The following MRC2 variants were observed in gnomAD, a reference collection of about 807,000 sequenced individuals.
The protein encoded by MRC2 is C-type mannose receptor 2.
In MRC2, 84 loss-of-function variants were observed where a neutral mutation model predicts 206.2. The ratio of observed to expected loss-of-function variants is 0.41; its 90% CI spans 0.34 to 0.49. The LOEUF (loss-of-function observed/expected upper bound fraction) is 0.49. MRC2 is among the 20% of genes least tolerant of loss of function. The probability of loss-of-function intolerance (pLI) is 0.31; values close to 1 mark genes in which losing one functional copy is unlikely to be tolerated. For missense variants in MRC2, 1,676 were observed against 2,001.5 expected (o/e 0.84, Z 3.10); for synonymous variants, 798 against 800.0 (o/e 1.00, Z 0.04).
At chr17:62,683,492 A>C (rs888076819) in intron 20 of MRC2, among the ~76,000 whole-genome samples, 25 of 149,930 alleles carry the variant, frequency 1.7e-4, no homozygotes, top group East Asian at 9.7e-4. Context: ...AAGAAAAAAA[A>C]AACAACAAAA....
Position 62,677,790 on chromosome 17 carries a change from A to G in MRC2, c.2052+304A>G, listed in dbSNP as rs534106591. On this transcript the variant is annotated intron_variant, in intron 12 of 29. Coordinates refer to ENST00000303375, the MANE Select transcript of MRC2 (RefSeq NM_006039.5). Reference sequence around the variant, plus strand: ...ATCTTGGCCGGGCGCAGTGGCTCACACCTGTAATCCCAGCACTTTGGGAGG... The same window carrying G: ...ATCTTGGCCGGGCGCAGTGGCTCACGCCTGTAATCCCAGCACTTTGGGAGG... 7.2e-5 allele frequency among the ~76,000 whole-genome samples: 11 copies of G among 152,222 alleles called. No homozygotes were observed. In the South Asian group the frequency reaches 1.4e-3, roughly 20 times the overall value.
At position 62,666,254 on chromosome 17, in the gene MRC2, C is replaced by A; in HGVS notation, c.681C>A (p.Phe227Leu). Residue 227 changes from phenylalanine (F) to leucine (L), a missense_variant, in exon 3 of 30, where the codon TTC (phenylalanine) becomes TTA (leucine). Phe to Leu is a conservative substitution (Grantham distance 22). Around this residue, in one of 3 missense-constraint regions of MRC2, gnomAD observed 318 missense variants for 346.7 expected, o/e 0.92. Coordinates refer to ENST00000303375, the MANE Select transcript of MRC2 (RefSeq NM_006039.5). The surrounding 1 kb of genome is among the most constrained non-coding windows in gnomAD (Gnocchi z 5.0). ...ACGGCAAAGACGAGCGCTGGGGCTT[C>A]TGCCCCATCAAGAGTGAGAGCTGTT... Reference protein sequence around the residue: ...QDYGKDERWGFCPIKSNDCET... With the variant: ...QDYGKDERWGLCPIKSNDCET... 6.3e-7 allele frequency: 1 copy of A among 1,582,012 alleles called. No individual in the cohort carries two copies. Among genetic ancestry groups the A allele is most frequent in the Non-Finnish European group, 8.6e-7 (1 of 1,165,642 alleles).
intron 1 of MRC2, among the ~76,000 whole-genome samples, chr17:62,641,190 T>A (rs2088398115): frequency 6.6e-6 from 1 of 150,796 alleles, no homozygotes; most frequent in Admixed American, 6.6e-5. Flanking sequence ...CTGGGTGCGA[T>A]GGCTCATGCC....
At chr17:62,669,702 G>A (rs1225536870) in intron 6 of MRC2, among the ~76,000 whole-genome samples, 4 of 151,764 alleles carry the variant, frequency 2.6e-5, no homozygotes, top group East Asian at 1.9e-4. Context: ...ATAGGCATGA[G>A]TGTGCCACCA....
chr17:62,643,348 G>T (rs796964441), intron 1 of MRC2, among the ~76,000 whole-genome samples: 3 of 132,252 alleles, frequency 2.3e-5, no homozygotes, highest in Non-Finnish European at 3.2e-5. Context: ...AAAAAAAAAA[G>T]AAAAAGAAAA....
At chr17:62,628,339 C>G (rs1347633084) in intron 1 of MRC2, among the ~76,000 whole-genome samples, 2 of 152,186 alleles carry the variant, frequency 1.3e-5, no homozygotes, top group Admixed American at 6.5e-5. Flanking sequence ...AGTCTCCTCG[C>G]TCTGCCCCAG....
intron 1 of MRC2, among the ~76,000 whole-genome samples, chr17:62,636,366 C>T (rs1348106241): frequency 1.3e-5 from 2 of 151,838 alleles, no homozygotes; most frequent in African/African-American, 4.8e-5. Flanking sequence ...CACACTAGCA[C>T]AGGCCACAGT....
chr17:62,680,467 A>C lies in MRC2; in HGVS notation c.2473+14A>C, dbSNP rs563880192. ...ACAGCCCTCAAGGTGAGCACCCCCC[A>C]GCCCATCCCGCTACCCATCGCGTGG... On this transcript the variant is annotated intron_variant, in intron 16 of 29. Transcript: ENST00000303375. The surrounding 1 kb of genome is among the most constrained non-coding windows in gnomAD (Gnocchi z 4.8). 2 of 1,613,574 alleles carry C rather than the reference A, an allele frequency of 1.2e-6. No individual in the cohort carries two copies. The highest frequency in any genetic ancestry group is 1.7e-6 in the Non-Finnish European group (2 of 1,179,822).
rs2088721076 is a variant in MRC2, at chr17:62,664,461, A to G, written c.119-87A>G. On this transcript the variant is annotated intron_variant, in intron 1 of 29. Transcript: ENST00000303375. The surrounding 1 kb of genome is among the most constrained non-coding windows in gnomAD (Gnocchi z 4.7). ...CGGCTCACCATCCTGCACTGGGCAC[A>G]TGGTAGGTGCCTGTCAGCCACACCG... is the stretch of plus-strand genomic sequence containing the variant. 2 of 1,407,894 alleles carry G rather than the reference A, an allele frequency of 1.4e-6. No homozygotes were observed. The highest frequency in any genetic ancestry group is 9.7e-7 in the Non-Finnish European group (1 of 1,031,864). 87.2% of individuals were successfully genotyped at this position (1,407,894 alleles called of 1,614,324 possible).
Position 62,680,953 on chromosome 17 carries a change from T to C in MRC2, c.2627T>C (p.Leu876Ser). 6.2e-7 allele frequency: 1 copy of C among 1,612,890 alleles called. No homozygotes were observed. The highest frequency in any genetic ancestry group is 8.5e-7 in the Non-Finnish European group (1 of 1,179,746). Residue 876 changes from leucine (L) to serine (S), a missense_variant, in exon 17 of 30, where the codon TTG becomes TCG. Physicochemically the swap from Leu to Ser is moderately radical, Grantham distance 145. Around this residue, in one of 3 missense-constraint regions of MRC2, gnomAD observed 1,354 missense variants for 1,636.6 expected, o/e 0.83. Transcript: ENST00000303375. This position sits in a 1 kb window ranked among gnomAD's most constrained non-coding sequence, Gnocchi z 4.8. The part of the protein sequence containing the change: ...QAELDFLSHN[L>S]QKFSRAQEQH... ...GAGCTAGACTTCCTGAGCCACAACT[T>C]GCAGAAGGTGGGCATTGGATTGAGC...
intron 1 of MRC2, among the ~76,000 whole-genome samples, chr17:62,662,121 G>A (rs59699571): frequency 0.019 from 2,853 of 152,024 alleles, 199 homozygotes; most frequent in East Asian, 0.14. Flanking sequence ...ATGGTGGCAT[G>A]TGCCTGTAGT....
chr17:62,629,874 G>A (rs1211303596), intron 1 of MRC2, among the ~76,000 whole-genome samples: 1 of 152,244 alleles, frequency 6.6e-6, no homozygotes, highest in Non-Finnish European at 1.5e-5. Context: ...TGCCAGGCAG[G>A]GCAGGGGCTG....
chr17:62,682,278 C>G lies in MRC2; in HGVS notation c.2847C>G (p.Ile949Met), dbSNP rs1453381862. The G allele has an allele frequency of 1.2e-6, 2 of 1,604,016 alleles. No homozygotes were observed. Among genetic ancestry groups the G allele is most frequent in the Non-Finnish European group, 1.7e-6 (2 of 1,175,034 alleles). Residue 949 changes from isoleucine (I) to methionine (M), a missense_variant, in exon 20 of 30, where the codon ATC becomes ATG. Physicochemically the swap from Ile to Met is conservative, Grantham distance 10 (BLOSUM62 1). This residue lies in a region of MRC2 where 1,354 missense variants were observed against 1,636.6 expected (regional missense o/e 0.83). Coordinates refer to ENST00000303375, the MANE Select transcript of MRC2 (RefSeq NM_006039.5). ...GGTGCCTGACAGCCTTGCCCTACAT[C>G]TGCAAGCGCAGCAACGTCACCAAAG... ...DQRCLTALPY[I>M]CKRSNVTKET...
chr17:62,689,433 G>A, intron 23 of MRC2, 89 bp from the exon 24 acceptor site: 1 of 869,152 alleles, frequency 1.2e-6, no homozygotes, highest in Non-Finnish European at 1.8e-6. Flanking sequence ...CCGGGTCTTT[G>A]CCTGGTGTGC....
At chr17:62,649,397 C>T (rs775089242) in intron 1 of MRC2, among the ~76,000 whole-genome samples, 2 of 152,204 alleles carry the variant, frequency 1.3e-5, no homozygotes, top group African/African-American at 4.8e-5. Flanking sequence ...TCAAGACCAA[C>T]CTGGCCAACA....
At position 62,680,785 on chromosome 17, in the gene MRC2, G is replaced by A. The variant is rs1240688657; in HGVS notation, c.2474-15G>A. ...CTGCCTGGCCGCCGCTCCCACGCCCGCGCTGCTCCTGCAGGCCGACGGGAA... is the reference window on the plus strand; with the variant it reads ...CTGCCTGGCCGCCGCTCCCACGCCCACGCTGCTCCTGCAGGCCGACGGGAA... On this transcript the variant is annotated splice_polypyrimidine_tract_variant and intron_variant, in intron 16 of 29. Coordinates refer to ENST00000303375, the MANE Select transcript of MRC2 (RefSeq NM_006039.5). This position sits in a 1 kb window ranked among gnomAD's most constrained non-coding sequence, Gnocchi z 4.8. The A allele has an allele frequency of 1.9e-6, 3 of 1,594,110 alleles. No homozygotes were observed. The highest frequency in any genetic ancestry group is 1.3e-5 in the African/African-American group (1 of 74,550).
Position 62,652,626 on chromosome 17 carries a change from C to T in MRC2, c.119-11922C>T, listed in dbSNP as rs1159360923. Among the ~76,000 whole-genome samples the T allele has an allele frequency of 4.6e-5, 7 of 152,146 alleles. No homozygotes were observed. Among genetic ancestry groups the T allele is most frequent in the Non-Finnish European group, 1.0e-4 (7 of 68,024 alleles). On this transcript the variant is annotated intron_variant, in intron 1 of 29. Transcript: ENST00000303375. This position sits in a 1 kb window ranked among gnomAD's most constrained non-coding sequence, Gnocchi z 4.6. ...GGCTAGCAGACGGCGCCAGGGGCAG[C>T]GGCCACGCAGACCGGGCATTTGTCT...
rs116711155 is a variant in MRC2 at position 62,658,341 on chromosome 17, C to T, written c.119-6207C>T. Among the ~76,000 whole-genome samples the T allele has an allele frequency of 5.9e-3, 892 of 152,302 alleles. 11 individuals are homozygous for T. The highest frequency in any genetic ancestry group is 0.02 in the African/African-American group (844 of 41,570). ...CCAGCATTGCCTGGAACATGCCATG[C>T]ACCTAGCAGAAAGTTGGGTGGATTT... is the stretch of plus-strand genomic sequence containing the variant. On this transcript the variant is annotated intron_variant, in intron 1 of 29. Transcript: ENST00000303375.
At chr17:62,678,792 C>A in intron 13 of MRC2, 146 bp downstream of exon 13, 2 of 1,183,166 alleles carry the variant, frequency 1.7e-6, no homozygotes, top group South Asian at 1.5e-5. Context: ...GCTGCTGGTG[C>A]CAGGACCATC....
Sources: gnomAD v4.1 joint callset for allele counts (sites outside exome capture counted in the v4.1 genomes callset) on GRCh38, gnomAD v4.1.1 for gene constraint, gnomAD v4.1.1 regional missense constraint, Gnocchi (gnomAD v3.1) non-coding constraint, MANE v1.5 for transcripts, NCBI Gene and HGNC (gene_info 2026-07-23, HGNC 2026-07-21) for gene names.